Variants in CSMD1 observed in about 807,000 individuals in gnomAD.
CSMD1 encodes the protein CUB and Sushi multiple domains 1, also known as CUB and sushi domain-containing protein 1.
Under a neutral mutation model 417.5 loss-of-function variants are expected in CSMD1, and 213 were observed. That is an observed-to-expected ratio of 0.51 (90% CI 0.46 to 0.57). The LOEUF (loss-of-function observed/expected upper bound fraction) is 0.57. Ranked by LOEUF, CSMD1 falls within the 20% of genes least tolerant of loss-of-function variation. The pLI, the probability that CSMD1 is intolerant of heterozygous loss-of-function variation, is 0.00. For synonymous variants in CSMD1, 2,862 were observed against 1,736.8 expected, an observed-to-expected ratio of 1.65 and a Z score of -16.11; for missense variants, 6,923 against 4,529.7, an observed-to-expected ratio of 1.53 and a Z score of -15.17.
chr8:3,683,334 T>C (rs1014143906), intron 7 of CSMD1, among the ~76,000 whole-genome samples: 2 of 152,200 alleles, frequency 1.3e-5, no homozygotes, highest in African/African-American at 4.8e-5. Flanking sequence ...CATTGTGTTC[T>C]CTTATTTATT....
chr8:4,199,069 T>A (rs1376509332), intron 3 of CSMD1, among the ~76,000 whole-genome samples: 1 of 152,124 alleles, frequency 6.6e-6, no homozygotes, highest in Non-Finnish European at 1.5e-5. Context: ...GCAAAACCCC[T>A]GAGGTAGTAG....
In CSMD1 at chr8:2,960,939, GATATAT is replaced by G. The variant is rs3076013; in HGVS notation, c.9702+196_9702+201del. Among the ~76,000 whole-genome samples, 68 of 122,038 alleles carry G rather than the reference GATATAT, an allele frequency of 5.6e-4. 1 individual carries two copies. The highest frequency in any genetic ancestry group is 3.3e-3 in the East Asian group (12 of 3,640). 80.1% of individuals were successfully genotyped at this position (122,038 alleles called of 152,430 possible). A position where few individuals can be genotyped will look rare whatever the true frequency, so the allele number is the denominator to read the frequency against. ...TATTCCATTATTATCTAGTAAGCAA[GATATAT>G]ATATATATATATATATATATACATA... On this transcript the variant is annotated intron_variant, in intron 62 of 69. Transcript: ENST00000635120.
chr8:4,642,838 T>C (rs184560442), intron 1 of CSMD1, among the ~76,000 whole-genome samples: 1 of 152,326 alleles, frequency 6.6e-6, no homozygotes, highest in East Asian at 1.9e-4. Context: ...ACATCAAAGA[T>C]ATTTTGACAT....
At chr8:3,467,672 C>CT (rs1816859966) in intron 12 of CSMD1, among the ~76,000 whole-genome samples, 1 of 152,166 alleles carries the variant, frequency 6.6e-6, no homozygotes, top group Non-Finnish European at 1.5e-5. Flanking sequence ...CCAAGAGACC[C>CT]TTTAATATTG....
At chr8:3,205,413 T>G (rs1797197401) in intron 31 of CSMD1, 91 bp downstream of exon 31, 1 of 668,038 alleles carries the variant, frequency 1.5e-6, no homozygotes. Context: ...AATATTTCAC[T>G]AAGCTCTAGC....
chr8:4,014,832 C>G (rs141151574), intron 4 of CSMD1, among the ~76,000 whole-genome samples: 4 of 152,272 alleles, frequency 2.6e-5, no homozygotes, highest in African/African-American at 7.2e-5. Flanking sequence ...AACATGGTAT[C>G]TGCATGGAAT....
chr8:3,093,827 G>A (rs891837639), intron 47 of CSMD1, among the ~76,000 whole-genome samples: 2 of 152,102 alleles, frequency 1.3e-5, no homozygotes, highest in Non-Finnish European at 2.9e-5. Context: ...AGAGAAGGAG[G>A]ATGAGAAGAA....
intron 3 of CSMD1, among the ~76,000 whole-genome samples, chr8:4,223,860 G>T (rs553638535): frequency 2.0e-5 from 3 of 152,226 alleles, no homozygotes; most frequent in Admixed American, 1.3e-4. Context: ...AACATGTAAA[G>T]GTCCCTAAAA....
At chr8:3,578,515 G>C (rs1181519780) in intron 9 of CSMD1, among the ~76,000 whole-genome samples, 1 of 152,184 alleles carries the variant, frequency 6.6e-6, no homozygotes, top group Non-Finnish European at 1.5e-5. Flanking sequence ...CCATATCCGT[G>C]TTGCTTTGTC....
intron 3 of CSMD1, among the ~76,000 whole-genome samples, chr8:4,370,788 GT>G (rs1398688390): frequency 1.3e-5 from 2 of 152,258 alleles, no homozygotes; most frequent in East Asian, 3.9e-4. Flanking sequence ...ATCCAGTTTG[GT>G]TCTTTCTTAA....
At chr8:4,991,063 G>A (rs1461154918) in intron 1 of CSMD1, among the ~76,000 whole-genome samples, 1 of 152,128 alleles carries the variant, frequency 6.6e-6, no homozygotes, top group East Asian at 1.9e-4. Context: ...CGCTTTCTGG[G>A]TAAGTAATTG....
intron 3 of CSMD1, among the ~76,000 whole-genome samples, chr8:4,252,346 C>G (rs993561062): frequency 1.3e-5 from 2 of 152,184 alleles, no homozygotes; most frequent in African/African-American, 4.8e-5. Flanking sequence ...ATATGTCATG[C>G]TAGCTTTTCT....
At chr8:3,842,638 T>C (rs2129094986) in intron 5 of CSMD1, among the ~76,000 whole-genome samples, 1 of 152,236 alleles carries the variant, frequency 6.6e-6, no homozygotes, top group African/African-American at 2.4e-5. Context: ...AGAGTTTCTA[T>C]TTTTTAGAAC....
At chr8:3,216,313 A>G (rs1340439169) in intron 29 of CSMD1, among the ~76,000 whole-genome samples, 1 of 152,164 alleles carries the variant, frequency 6.6e-6, no homozygotes, top group Non-Finnish European at 1.5e-5. Flanking sequence ...AAAGTTGCTC[A>G]GTTTTTCTGA....
chr8:4,809,813 A>G (rs1798792452), intron 1 of CSMD1, among the ~76,000 whole-genome samples: 1 of 152,166 alleles, frequency 6.6e-6, no homozygotes, highest in South Asian at 2.1e-4. Context: ...TGCTTCTAGT[A>G]CATATCATTG....
intron 1 of CSMD1, among the ~76,000 whole-genome samples, chr8:4,845,460 G>A (rs1801087300): frequency 6.6e-6 from 1 of 152,202 alleles, no homozygotes; most frequent in Non-Finnish European, 1.5e-5. Context: ...ATCTTCAAGT[G>A]CAATCAGCAA....
intron 42 of CSMD1, among the ~76,000 whole-genome samples, chr8:3,117,714 C>G (rs1264292909): frequency 6.6e-6 from 1 of 152,180 alleles, no homozygotes; most frequent in East Asian, 1.9e-4. Flanking sequence ...GATTCCTGCT[C>G]AGAAAAAGGA....
chr8:4,866,439 T>C (rs76539353), intron 1 of CSMD1, among the ~76,000 whole-genome samples: 1 of 152,022 alleles, frequency 6.6e-6, no homozygotes, highest in East Asian at 1.9e-4. Flanking sequence ...ATAAAAGAAG[T>C]TTGTTCTATT....
chr8:4,942,853 C>A (rs76405360), intron 1 of CSMD1, among the ~76,000 whole-genome samples: 4,088 of 152,266 alleles, frequency 0.027, 167 homozygotes, highest in African/African-American at 0.092. Flanking sequence ...ATAGTGGGAC[C>A]TTTATTTGTA....
Sources: gnomAD v4.1 joint callset for allele counts (sites outside exome capture counted in the v4.1 genomes callset) on GRCh38, gnomAD v4.1.1 for gene constraint, MANE v1.5 for transcripts, NCBI Gene and HGNC (gene_info 2026-07-23, HGNC 2026-07-21) for gene names.